Variants in MACROD2 observed in about 807,000 individuals in gnomAD.
MACROD2 encodes mono-ADP ribosylhydrolase 2.
MACROD2 carries 36 observed loss-of-function variants against 70.4 expected under a neutral mutation model. The observed-to-expected ratio is 0.51, with a 90% CI of 0.39 to 0.68. The LOEUF (loss-of-function observed/expected upper bound fraction) is 0.68. MACROD2 is among the 30% of genes least tolerant of loss of function. MACROD2 has a pLI of 0.00. For synonymous variants in MACROD2, 172 were observed against 178.8 expected, an observed-to-expected ratio of 0.96 and a Z score of 0.30; for missense variants, 496 against 538.4, an observed-to-expected ratio of 0.92 and a Z score of 0.78.
intron 3 of MACROD2, among the ~76,000 whole-genome samples, chr20:14,213,384 A>C (rs2081586994): frequency 6.7e-6 from 1 of 149,452 alleles, no homozygotes; most frequent in African/African-American, 2.5e-5. Context: ...AAAAAAAAAA[A>C]AAGGCCAATT....
chr20:15,904,685 G>C (rs1363332557), intron 10 of MACROD2, among the ~76,000 whole-genome samples: 1 of 151,950 alleles, frequency 6.6e-6, no homozygotes, highest in Non-Finnish European at 1.5e-5. Context: ...GAGGTCAGGA[G>C]ATCGAGACCA....
intron 5 of MACROD2, among the ~76,000 whole-genome samples, chr20:14,979,194 A>C (rs1479425289): frequency 6.6e-6 from 1 of 151,532 alleles, no homozygotes; most frequent in Non-Finnish European, 1.5e-5. Context: ...TCCTAGCCTC[A>C]AAAGATCCTC....
chr20:15,556,105 A>G (rs1359552650), intron 8 of MACROD2, among the ~76,000 whole-genome samples: 4 of 152,308 alleles, frequency 2.6e-5, no homozygotes, highest in African/African-American at 9.6e-5. Flanking sequence ...GGCTTAGAGA[A>G]GGAAAATTAA....
intron 6 of MACROD2, among the ~76,000 whole-genome samples, chr20:15,402,330 T>C (rs1019610830): frequency 2.0e-5 from 3 of 152,180 alleles, no homozygotes; most frequent in Non-Finnish European, 4.4e-5. Context: ...CATAACTGCC[T>C]AAATAGTAAG....
intron 13 of MACROD2, among the ~76,000 whole-genome samples, chr20:15,978,885 G>A (rs16996877): frequency 6.6e-6 from 1 of 152,044 alleles, no homozygotes; most frequent in African/African-American, 2.4e-5. Context: ...TTCATTAAAC[G>A]TCAGGAGTGA....
chr20:15,849,579 A>C (rs894111574), intron 8 of MACROD2, among the ~76,000 whole-genome samples: 1 of 152,184 alleles, frequency 6.6e-6, no homozygotes, highest in Non-Finnish European at 1.5e-5. Flanking sequence ...ATCTTTTGAA[A>C]GTCAAGATGT....
At chr20:15,183,937 T>C (rs1241347464) in intron 5 of MACROD2, among the ~76,000 whole-genome samples, 2 of 152,098 alleles carry the variant, frequency 1.3e-5, no homozygotes, top group African/African-American at 4.8e-5. Flanking sequence ...CGAAGGAGTG[T>C]CAAACTCAAC....
At chr20:14,762,339 T>C (rs2072026926) in intron 5 of MACROD2, among the ~76,000 whole-genome samples, 1 of 152,156 alleles carries the variant, frequency 6.6e-6, no homozygotes, top group Non-Finnish European at 1.5e-5. Flanking sequence ...TCATGGTGTC[T>C]CTTCACTGAG....
At chr20:14,165,616 A>G (rs1048386056) in intron 3 of MACROD2, among the ~76,000 whole-genome samples, 4 of 152,238 alleles carry the variant, frequency 2.6e-5, no homozygotes, top group Admixed American at 6.5e-5. Flanking sequence ...CTTTAGAGAA[A>G]TAATGGAGAT....
intron 3 of MACROD2, among the ~76,000 whole-genome samples, chr20:14,477,966 G>C (rs1230143003): frequency 1.3e-5 from 2 of 152,118 alleles, no homozygotes; most frequent in Non-Finnish European, 2.9e-5. Context: ...CTCCCGATTA[G>C]GCCTTGCTTT....
intron 3 of MACROD2, among the ~76,000 whole-genome samples, chr20:14,201,897 G>GAT (rs373800195): frequency 3.9e-4 from 58 of 150,490 alleles, no homozygotes; most frequent in Admixed American, 1.5e-3. Flanking sequence ...AAGTGGGATG[G>GAT]ATATATATAT....
At chr20:15,835,092 AAT>A (rs2064098679) in intron 8 of MACROD2, among the ~76,000 whole-genome samples, 2 of 152,240 alleles carry the variant, frequency 1.3e-5, no homozygotes, top group Non-Finnish European at 2.9e-5. Flanking sequence ...GCCTCCTGCC[AAT>A]AGCCAGCATC....
chr20:15,260,457 T>C (rs2077239422), intron 6 of MACROD2, among the ~76,000 whole-genome samples: 1 of 151,956 alleles, frequency 6.6e-6, no homozygotes, highest in Admixed American at 6.6e-5. Flanking sequence ...TTGTTGCAAA[T>C]GACAGTAATT....
intron 5 of MACROD2, among the ~76,000 whole-genome samples, chr20:14,913,601 C>T (rs2074055281): frequency 1.3e-5 from 2 of 152,120 alleles, no homozygotes. Context: ...GCAAGAGGAT[C>T]ATTTGACCCC....
intron 2 of MACROD2, among the ~76,000 whole-genome samples, chr20:14,052,268 C>T (rs1481690202): frequency 3.3e-5 from 5 of 151,998 alleles, no homozygotes; most frequent in African/African-American, 7.2e-5. Flanking sequence ...TCAGAGTTTT[C>T]GAATTGCAGA....
At chr20:15,436,945 C>G (rs957504565) in intron 7 of MACROD2, among the ~76,000 whole-genome samples, 1 of 152,126 alleles carries the variant, frequency 6.6e-6, no homozygotes, top group African/African-American at 2.4e-5. Context: ...CCACTTGGTG[C>G]GTGCTTCCCA....
At position 16,050,754 on chromosome 20, in the gene MACROD2, A is replaced by G. The variant is rs544216698; in HGVS notation, c.*878A>G. The G allele has an allele frequency of 6.6e-6, 1 of 152,370 alleles. No individual in the cohort carries two copies. The highest frequency in any genetic ancestry group is 1.9e-4 in the East Asian group (1 of 5,184). 9.4% of individuals were successfully genotyped at this position (152,370 alleles called of 1,614,324 possible). A position where few individuals can be genotyped will look rare whatever the true frequency, so the allele number is the denominator to read the frequency against. ...TTTAGGACCCAAACATATGCCTATG[A>G]ATATCAAAAGCTCCTCCTGAAATTG... On this transcript the variant is annotated 3_prime_UTR_variant, in exon 18 of 18. Coordinates refer to ENST00000684519, the MANE Select transcript of MACROD2 (RefSeq NM_001351661.2).
At chr20:14,535,357 T>A (rs1336129458) in intron 4 of MACROD2, among the ~76,000 whole-genome samples, 1 of 151,510 alleles carries the variant, frequency 6.6e-6, no homozygotes, top group Non-Finnish European at 1.5e-5. Flanking sequence ...TACAAAAAAT[T>A]AGCTGGGCGT....
chr20:15,562,955 G>A (rs1291720986), intron 8 of MACROD2, among the ~76,000 whole-genome samples: 1 of 152,190 alleles, frequency 6.6e-6, no homozygotes, highest in African/African-American at 2.4e-5. Flanking sequence ...TGTTTGTGTA[G>A]AAACGTACAG....
Sources: gnomAD v4.1 joint callset for allele counts (sites outside exome capture counted in the v4.1 genomes callset) on GRCh38, gnomAD v4.1.1 for gene constraint, MANE v1.5 for transcripts, NCBI Gene and HGNC (gene_info 2026-07-23, HGNC 2026-07-21) for gene names.